MAMDC2: variants seen among roughly 807,000 people sequenced by gnomAD.
The protein encoded by MAMDC2 is MAM domain containing 2.
MAMDC2 carries 57 observed loss-of-function variants against 89.8 expected under a neutral mutation model. The observed-to-expected ratio is 0.63, with a 90% CI of 0.51 to 0.79. The LOEUF is 0.79. Among genes scored for constraint, MAMDC2 ranks in the 30% least tolerant of loss-of-function variants. The pLI, the probability that MAMDC2 is intolerant of heterozygous loss-of-function variation, is 0.00. For missense variants in MAMDC2, 800 were observed against 820.6 expected, an observed-to-expected ratio of 0.97 and a Z score of 0.31; for synonymous variants, 313 against 293.4, an observed-to-expected ratio of 1.07 and a Z score of -0.68.
intron 2 of MAMDC2, among the ~76,000 whole-genome samples, chr9:70,055,641 G>A (rs564290910): frequency 1.3e-5 from 2 of 152,224 alleles, no homozygotes; most frequent in South Asian, 2.1e-4. Context: ...TGTGTCTCCC[G>A]GGCAGTGGTG....
intron 2 of MAMDC2, among the ~76,000 whole-genome samples, chr9:70,052,310 A>G (rs1826927505): frequency 6.6e-6 from 1 of 152,106 alleles, no homozygotes. Flanking sequence ...TCCAAATTAC[A>G]TTTCTCCTCT....
intron 9 of MAMDC2, among the ~76,000 whole-genome samples, chr9:70,163,597 T>C (rs937202586): frequency 6.6e-6 from 1 of 152,114 alleles, no homozygotes; most frequent in African/African-American, 2.4e-5. Context: ...TCTAGTCCAT[T>C]TTTAGAACAG....
intron 11 of MAMDC2, among the ~76,000 whole-genome samples, chr9:70,211,108 A>T (rs1217169866): frequency 6.6e-6 from 1 of 151,976 alleles, no homozygotes; most frequent in Non-Finnish European, 1.5e-5. Context: ...GTGTCTTGGG[A>T]TTGCTCTTCT....
At chr9:70,102,193 C>T (rs1460768896) in intron 2 of MAMDC2, among the ~76,000 whole-genome samples, 1 of 152,052 alleles carries the variant, frequency 6.6e-6, no homozygotes, top group Non-Finnish European at 1.5e-5. Context: ...TGGCTCTCTT[C>T]TTTTATTAGT....
chr9:70,108,301 G>T lies in MAMDC2; in HGVS notation c.239G>T (p.Cys80Phe). Residue 80 changes from cysteine to phenylalanine, a missense_variant, in exon 3 of 14, where the codon TGC becomes TTC. Cys to Phe is a radical substitution (Grantham distance 205, BLOSUM62 -2). Coordinates refer to ENST00000377182, the MANE Select transcript of MAMDC2 (RefSeq NM_153267.5). ...SPDLQAEEWS[C>F]LRLVYQITTS... Reference sequence around the variant, plus strand: ...GACTTACAGGCTGAGGAATGGAGCTGCCTCCGTTTGGTCTACCAGATAACC... The same window carrying T: ...GACTTACAGGCTGAGGAATGGAGCTTCCTCCGTTTGGTCTACCAGATAACC... The T allele has an allele frequency of 6.2e-7, 1 of 1,614,116 alleles. No individual in the cohort carries two copies. Among genetic ancestry groups the T allele is most frequent in the Non-Finnish European group, 8.5e-7 (1 of 1,179,970 alleles).
intron 2 of MAMDC2, among the ~76,000 whole-genome samples, chr9:70,063,527 A>G (rs1421768165): frequency 1.3e-5 from 2 of 152,360 alleles, no homozygotes; most frequent in Admixed American, 1.3e-4. Context: ...ATAAGTAAAT[A>G]AAAGAAAAAT....
At chr9:70,057,462 T>G (rs369449934) in intron 2 of MAMDC2, among the ~76,000 whole-genome samples, 14 of 152,154 alleles carry the variant, frequency 9.2e-5, no homozygotes, top group African/African-American at 3.4e-4. Context: ...CTCCACAAAC[T>G]CAGCTACTCA....
At chr9:70,197,999 GGA>G (rs1215194316) in intron 11 of MAMDC2, among the ~76,000 whole-genome samples, 1 of 151,836 alleles carries the variant, frequency 6.6e-6, no homozygotes, top group African/African-American at 2.4e-5. Flanking sequence ...TAAGATATTT[GGA>G]GAGAGAGAAA....
chr9:70,143,955 C>A (rs1361801969), intron 9 of MAMDC2, 136 bp downstream of exon 9: 3 of 982,072 alleles, frequency 3.1e-6, no homozygotes, highest in Middle Eastern at 3.4e-4. Context: ...TTACACCCTA[C>A]TCCCAGCCAC....
rs932997448 is a variant in MAMDC2, at chr9:70,193,267, T to TA, written c.1651+22637dup. ...TCTATATTATAAACGTAGTATTGCTTACACTGATGTCACTGAAATTTCTTT... is the reference window on the plus strand; with the variant it reads ...TCTATATTATAAACGTAGTATTGCTTAACACTGATGTCACTGAAATTTCTTT... On this transcript the variant is annotated intron_variant, in intron 11 of 13. Coordinates refer to ENST00000377182, the MANE Select transcript of MAMDC2 (RefSeq NM_153267.5). Among the ~76,000 whole-genome samples, 18 of 152,148 alleles carry TA rather than the reference T, an allele frequency of 1.2e-4. 1 individual carries two copies. Among genetic ancestry groups the TA allele is most frequent in the Admixed American group, 8.5e-4 (13 of 15,250 alleles).
chr9:70,146,283 G>C (rs2031402064), intron 9 of MAMDC2, among the ~76,000 whole-genome samples: 1 of 152,168 alleles, frequency 6.6e-6, no homozygotes, highest in African/African-American at 2.4e-5. Flanking sequence ...GGGAAAAATG[G>C]ATCTAGACCC....
intron 2 of MAMDC2, among the ~76,000 whole-genome samples, chr9:70,090,390 G>A (rs112131093): frequency 1.6e-4 from 24 of 151,580 alleles, no homozygotes; most frequent in African/African-American, 5.6e-4. Flanking sequence ...AGGCTAAGGT[G>A]GGAGGATTGC....
intron 9 of MAMDC2, among the ~76,000 whole-genome samples, chr9:70,150,676 A>T (rs2031552547): frequency 6.6e-6 from 1 of 152,136 alleles, no homozygotes; most frequent in Non-Finnish European, 1.5e-5. Context: ...ACTTTTCCCT[A>T]AATTCCAGAC....
Position 70,148,630 on chromosome 9 carries a change from C to T in MAMDC2, c.1404+4811C>T, listed in dbSNP as rs932884043. 4.7e-5 allele frequency among the ~76,000 whole-genome samples: 7 copies of T among 150,178 alleles called. No homozygotes were observed. In the East Asian group the frequency reaches 5.8e-4, roughly 12 times the overall value. On this transcript the variant is annotated intron_variant, in intron 9 of 13. Transcript: ENST00000377182. The stretch of plus-strand genomic sequence containing the variant: ...CTAGGGAGGGCCAGGCATGGTGGCT[C>T]ACAACTGTAATCCCAGCACTTTGGG...
intron 2 of MAMDC2, among the ~76,000 whole-genome samples, chr9:70,080,903 C>A (rs779592283): frequency 6.6e-6 from 1 of 152,098 alleles, no homozygotes; most frequent in Non-Finnish European, 1.5e-5. Flanking sequence ...GGTTACTGGT[C>A]CGGTTAGGTG....
rs117440031 is a variant in MAMDC2 at position 70,174,461 on chromosome 9, C to T, written c.1651+3830C>T. On this transcript the variant is annotated intron_variant, in intron 11 of 13. Coordinates refer to ENST00000377182, the MANE Select transcript of MAMDC2 (RefSeq NM_153267.5). The stretch of plus-strand genomic sequence containing the variant: ...AGTTAACTAATGTAAATAGAAGAGT[C>T]ACAACGAAGCCCATTGGAAGGTAGC... 3.9e-3 allele frequency among the ~76,000 whole-genome samples: 596 copies of T among 152,236 alleles called. 2 individuals are homozygous for T. Among genetic ancestry groups the T allele is most frequent in the South Asian group, 0.023 (111 of 4,822 alleles).
intron 2 of MAMDC2, among the ~76,000 whole-genome samples, chr9:70,106,603 T>C (rs1828348318): frequency 6.6e-6 from 1 of 152,166 alleles, no homozygotes; most frequent in Admixed American, 6.5e-5. Context: ...GTGAAGCACT[T>C]AGAACAGCAC....
At chr9:70,204,600 G>A (rs887877703) in intron 11 of MAMDC2, among the ~76,000 whole-genome samples, 19 of 151,438 alleles carry the variant, frequency 1.3e-4, no homozygotes, top group African/African-American at 4.1e-4. Context: ...CGAGCTTCCC[G>A]GCTGCTTTGT....
intron 11 of MAMDC2, among the ~76,000 whole-genome samples, chr9:70,191,478 C>T (rs2032879217): frequency 6.7e-6 from 1 of 150,270 alleles, no homozygotes; most frequent in Non-Finnish European, 1.5e-5. Context: ...CATCTGTTAC[C>T]CCCACCCCCA....
Sources: gnomAD v4.1 joint callset for allele counts (sites outside exome capture counted in the v4.1 genomes callset) on GRCh38, gnomAD v4.1.1 for gene constraint, MANE v1.5 for transcripts, NCBI Gene and HGNC (gene_info 2026-07-23, HGNC 2026-07-21) for gene names.